GRK3: variants seen among roughly 807,000 people sequenced by gnomAD.
GRK3 encodes the protein adrenergic, beta, receptor kinase 2.
A neutral mutation model predicts 95.7 loss-of-function variants in GRK3; 54 were observed. The ratio of observed to expected loss-of-function variants is 0.56; its 90% CI spans 0.45 to 0.71. GRK3 has a LOEUF of 0.71. Ranked by LOEUF, GRK3 falls within the 30% of genes least tolerant of loss-of-function variation. The pLI is 0.00. For synonymous variants in GRK3, 281 were observed against 290.8 expected (o/e 0.97, Z 0.34); for missense variants, 649 against 851.2 (o/e 0.76, Z 2.96).
chr22:25,653,781 C>A (rs1428884800), intron 3 of GRK3, among the ~76,000 whole-genome samples: 1 of 152,172 alleles, frequency 6.6e-6, no homozygotes. Flanking sequence ...ACCTGTCTCC[C>A]GGGTTCAACC....
chr22:25,685,068 AAAAT>A (rs1235618887), intron 9 of GRK3, 98 bp from the exon 10 acceptor site: 2 of 769,222 alleles, frequency 2.6e-6, no homozygotes, highest in Non-Finnish European at 4.4e-6. Context: ...TGTCAATTAA[AAAAT>A]AAAGTAATTT....
chr22:25,589,751 AC>A (rs1932433173), intron 1 of GRK3, among the ~76,000 whole-genome samples: 1 of 152,222 alleles, frequency 6.6e-6, no homozygotes, highest in African/African-American at 2.4e-5. Context: ...GCTAATAAAG[AC>A]ATACCTGAGA....
chr22:25,585,541 T>C (rs571372676), intron 1 of GRK3, among the ~76,000 whole-genome samples: 1 of 152,360 alleles, frequency 6.6e-6, no homozygotes, highest in East Asian at 1.9e-4. Flanking sequence ...ATGAGCTAGA[T>C]GCAAAGACTT....
intron 7 of GRK3, among the ~76,000 whole-genome samples, chr22:25,673,387 T>C (rs1042482491): frequency 6.6e-6 from 1 of 151,992 alleles, no homozygotes; most frequent in Non-Finnish European, 1.5e-5. Context: ...TTAAAAATAC[T>C]TGATCTTCAC....
Position 25,667,808 on chromosome 22 carries a change from A to G in GRK3, c.503+8A>G. ...TCAAAAATTTATGGAAAGGTATGAA[A>G]CTTTATGCATATATATACACAATTT... On this transcript the variant is annotated splice_region_variant and intron_variant, in intron 6 of 20. Coordinates refer to ENST00000324198, the MANE Select transcript of GRK3 (RefSeq NM_005160.4). 1.3e-6 allele frequency: 2 copies of G among 1,562,418 alleles called. No homozygotes were observed. Among genetic ancestry groups the G allele is most frequent in the African/African-American group, 1.4e-5 (1 of 74,014 alleles).
chr22:25,569,504 A>G (rs1364401685), intron 1 of GRK3, among the ~76,000 whole-genome samples: 1 of 152,182 alleles, frequency 6.6e-6, no homozygotes, highest in Non-Finnish European at 1.5e-5. Flanking sequence ...TTTTACACGC[A>G]ATGGATTCTT....
chr22:25,611,665 G>T (rs976378616), intron 2 of GRK3, among the ~76,000 whole-genome samples: 1 of 152,058 alleles, frequency 6.6e-6, no homozygotes, highest in African/African-American at 2.4e-5. Context: ...AATTTGGATT[G>T]TCTTTATGTT....
At chr22:25,576,053 A>G (rs1931879698) in intron 1 of GRK3, among the ~76,000 whole-genome samples, 1 of 152,226 alleles carries the variant, frequency 6.6e-6, no homozygotes, top group South Asian at 2.1e-4. Flanking sequence ...CCCTCCCAAA[A>G]GTGCGCTAAC....
chr22:25,590,385 T>C (rs1313133440), intron 1 of GRK3, among the ~76,000 whole-genome samples: 2 of 152,182 alleles, frequency 1.3e-5, no homozygotes, highest in Admixed American at 1.3e-4. Flanking sequence ...GATTGTTATT[T>C]CTTTTGATTC....
At chr22:25,612,816 A>G (rs939893362) in intron 2 of GRK3, among the ~76,000 whole-genome samples, 1 of 151,756 alleles carries the variant, frequency 6.6e-6, no homozygotes, top group Non-Finnish European at 1.5e-5. Context: ...AAAAGAATAC[A>G]TTGATAAAAA....
At chr22:25,621,308 A>T (rs2146357872) in intron 2 of GRK3, among the ~76,000 whole-genome samples, 1 of 152,362 alleles carries the variant, frequency 6.6e-6, no homozygotes, top group Non-Finnish European at 1.5e-5. Context: ...CCAAACAAAG[A>T]AACCTCTGGG....
intron 3 of GRK3, chr22:25,647,454 C>A: frequency 1.5e-6 from 2 of 1,312,924 alleles, no homozygotes; most frequent in South Asian, 1.2e-5. Flanking sequence ...TTTGGAGGAT[C>A]CTCAGGGGTA....
intron 6 of GRK3, among the ~76,000 whole-genome samples, chr22:25,670,881 CAAAAAAAA>C (rs71191074): frequency 3.0e-5 from 2 of 65,706 alleles, no homozygotes; most frequent in Non-Finnish European, 6.2e-5. Context: ...ACTAAAAATA[CAAAAAAAA>C]AAAAAAAAAA....
chr22:25,695,763 A>G (rs1034589742), intron 13 of GRK3, among the ~76,000 whole-genome samples: 7 of 152,004 alleles, frequency 4.6e-5, no homozygotes, highest in Non-Finnish European at 1.0e-4. Flanking sequence ...CCTGGGCTCA[A>G]GCAATCCTTC....
chr22:25,610,736 C>G (rs2084490470), intron 2 of GRK3, among the ~76,000 whole-genome samples: 1 of 152,208 alleles, frequency 6.6e-6, no homozygotes, highest in Non-Finnish European at 1.5e-5. Context: ...AGTCTGTAGT[C>G]TCTTGCATCT....
chr22:25,566,455 C>T (rs1931489313), intron 1 of GRK3, among the ~76,000 whole-genome samples: 1 of 152,120 alleles, frequency 6.6e-6, no homozygotes, highest in Non-Finnish European at 1.5e-5. Context: ...TTGTGAAAAG[C>T]TAAATTGTGC....
chr22:25,574,029 G>T (rs1374035362), intron 1 of GRK3, among the ~76,000 whole-genome samples: 1 of 152,176 alleles, frequency 6.6e-6, no homozygotes, highest in East Asian at 1.9e-4. Flanking sequence ...TTTCTTCAAT[G>T]TCAGCAATAA....
At chr22:25,616,331 A>G (rs2084538076) in intron 2 of GRK3, among the ~76,000 whole-genome samples, 1 of 152,202 alleles carries the variant, frequency 6.6e-6, no homozygotes, top group East Asian at 1.9e-4. Flanking sequence ...CAGTCATGGC[A>G]GAAGGCAAAG....
intron 9 of GRK3, among the ~76,000 whole-genome samples, chr22:25,683,129 G>A (rs2085087473): frequency 6.6e-6 from 1 of 152,240 alleles, no homozygotes; most frequent in Non-Finnish European, 1.5e-5. Flanking sequence ...AAGAAAATAA[G>A]CAAAGAATAA....
Sources: allele counts gnomAD v4.1 joint callset (sites outside exome capture counted in the v4.1 genomes callset), GRCh38; gene constraint gnomAD v4.1.1; transcripts MANE v1.5; gene names NCBI Gene and HGNC (gene_info 2026-07-23, HGNC 2026-07-21).